The following CSN1S1 variants were observed in gnomAD, a reference collection of about 807,000 sequenced individuals.
The protein encoded by CSN1S1 is alpha-S1-casein.
Under a neutral mutation model 49.1 loss-of-function variants are expected in CSN1S1, and 63 were observed. The observed-to-expected ratio is 1.28, with a 90% CI of 1.05 to 1.58. The LOEUF is 1.58. CSN1S1 is among the 40% of genes most tolerant of loss of function. The pLI, the probability that CSN1S1 is intolerant of heterozygous loss-of-function variation, is 0.00. For missense variants in CSN1S1, 260 were observed against 224.7 expected, an observed-to-expected ratio of 1.16 and a Z score of -1.01; for synonymous variants, 78 against 67.1, an observed-to-expected ratio of 1.16 and a Z score of -0.79.
chr4:69,944,666 C>T (rs182591338), intron 14 of CSN1S1, among the ~76,000 whole-genome samples, 184 bp from the exon 15 acceptor site: 18 of 152,100 alleles, frequency 1.2e-4, no homozygotes, highest in African/African-American at 4.1e-4. Flanking sequence ...AGAGCACCTT[C>T]TGAAAGTTTC....
At chr4:69,942,490 A>C in intron 13 of CSN1S1, 46 bp from the exon 14 acceptor site, 1 of 1,434,520 alleles carries the variant, frequency 7.0e-7, no homozygotes, top group Non-Finnish European at 9.6e-7. Flanking sequence ...AATGTGTTGT[A>C]CCAGAAGATG....
chr4:69,938,026 T>TA (rs1722851026), intron 9 of CSN1S1, among the ~76,000 whole-genome samples: 1 of 151,892 alleles, frequency 6.6e-6, no homozygotes, highest in Non-Finnish European at 1.5e-5. Context: ...TACTCAAGAA[T>TA]GTACAATGTT....
chr4:69,934,837 A>G (rs1295419543), intron 4 of CSN1S1, 127 bp downstream of exon 4: 2 of 793,580 alleles, frequency 2.5e-6, no homozygotes, highest in East Asian at 5.3e-5. Flanking sequence ...CAACAACTCA[A>G]GTACCTGGAT....
chr4:69,936,623 T>C lies in CSN1S1; in HGVS notation c.195+16T>C. 4 of 1,596,402 alleles carry C rather than the reference T, an allele frequency of 2.5e-6. No individual in the cohort carries two copies. Among genetic ancestry groups the C allele is most frequent in the Non-Finnish European group, 3.4e-6 (4 of 1,170,792 alleles). ...TGAAATCAAGGTACCAAAGTTTTTC[T>C]TGAAAGAGTATGGCAAAAGTATATA... is the stretch of plus-strand genomic sequence containing the variant. On this transcript the variant is annotated intron_variant, in intron 7 of 15. Coordinates refer to ENST00000246891, the MANE Select transcript of CSN1S1 (RefSeq NM_001890.2).
In CSN1S1 at chr4:69,934,133, G is replaced by A. The variant is rs115627692; in HGVS notation, c.52-79G>A. 111 of 1,082,742 alleles carry A rather than the reference G, an allele frequency of 1.0e-4. 1 individual carries two copies. In the African/African-American group the frequency reaches 1.2e-3, roughly 12 times the overall value. 67.1% of individuals were successfully genotyped at this position (1,082,742 alleles called of 1,614,324 possible). On this transcript the variant is annotated intron_variant, in intron 2 of 15. Transcript: ENST00000246891. ...GAAAATGGCAGTGTCAAAAATCATC[G>A]TATTATATGTGTATTATTATATTGT...
chr4:69,941,311 C>T (rs1371585288), intron 12 of CSN1S1, among the ~76,000 whole-genome samples: 1 of 151,746 alleles, frequency 6.6e-6, no homozygotes, highest in East Asian at 1.9e-4. Flanking sequence ...AAAGTGACTA[C>T]ATTCTACTGC....
chr4:69,945,166 T>C (rs559183514), intron 15 of CSN1S1, among the ~76,000 whole-genome samples, 162 bp downstream of exon 15: 1 of 152,176 alleles, frequency 6.6e-6, no homozygotes, highest in Admixed American at 6.6e-5. Flanking sequence ...TAATATTTTG[T>C]GGGACCTGTG....
chr4:69,934,104 T>C, intron 2 of CSN1S1, 108 bp from the exon 3 acceptor site: 1 of 742,148 alleles, frequency 1.3e-6, no homozygotes, highest in South Asian at 2.1e-5. Context: ...AACACATACC[T>C]TTTGAAAATG....
chr4:69,936,580 G>A lies in CSN1S1; in HGVS notation c.168G>A (p.Leu56=). 6.2e-7 allele frequency: 1 copy of A among 1,606,198 alleles called. No homozygotes were observed. The highest frequency in any genetic ancestry group is 8.5e-7 in the Non-Finnish European group (1 of 1,175,792). Residue 56 remains leucine (L), a synonymous_variant, in exon 7 of 16, where the codon CTG becomes CTA. Transcript: ENST00000246891. ...MNGMNRQRNI[L]REKQTDEIKD... is the part of the protein sequence containing the mutation. ...ATTGATTTTAGCAGAGAAACATTCT[G>A]AGAGAAAAACAGACTGATGAAATCA...
At chr4:69,934,805 T>G (rs1343006574) in intron 4 of CSN1S1, 95 bp downstream of exon 4, 19 of 1,119,308 alleles carry the variant, frequency 1.7e-5, no homozygotes, top group Non-Finnish European at 2.4e-5. Context: ...CTTTACAATT[T>G]TTATTTCCCT....
intron 3 of CSN1S1, 65 bp downstream of exon 3, chr4:69,934,309 G>A (rs1224831455): frequency 1.7e-5 from 25 of 1,449,608 alleles, no homozygotes; most frequent in Admixed American, 5.5e-5. Context: ...CCAAATGTGC[G>A]CTTCCCTTCT....
At chr4:69,937,632 A>T (rs1722828553) in intron 8 of CSN1S1, among the ~76,000 whole-genome samples, 168 bp from the exon 9 acceptor site, 1 of 151,756 alleles carries the variant, frequency 6.6e-6, no homozygotes, top group Non-Finnish European at 1.5e-5. Flanking sequence ...CAAAATGCAG[A>T]TTCATTTGGC....
At chr4:69,943,449 T>G (rs1723048811) in intron 14 of CSN1S1, among the ~76,000 whole-genome samples, 2 of 152,134 alleles carry the variant, frequency 1.3e-5, no homozygotes, top group South Asian at 2.1e-4. Flanking sequence ...CCTCCCAAAG[T>G]GCTGGGATTA....
intron 14 of CSN1S1, among the ~76,000 whole-genome samples, chr4:69,943,897 C>T (rs1339878302): frequency 1.3e-5 from 2 of 152,010 alleles, no homozygotes; most frequent in East Asian, 3.9e-4. Flanking sequence ...CTAATCAGTT[C>T]TTCAAAGTCC....
chr4:69,936,665 A>G (rs2109717219), intron 7 of CSN1S1, 58 bp downstream of exon 7: 1 of 1,490,804 alleles, frequency 6.7e-7, no homozygotes, highest in East Asian at 2.4e-5. Flanking sequence ...TAGTAGAAAA[A>G]AAGTTTTCCT....
At chr4:69,935,367 C>T (rs182881545) in intron 4 of CSN1S1, among the ~76,000 whole-genome samples, 2 of 150,880 alleles carry the variant, frequency 1.3e-5, no homozygotes, top group East Asian at 2.0e-4. Flanking sequence ...AACCAAACCC[C>T]GTCTCTACAA....
At chr4:69,942,460 T>G in intron 13 of CSN1S1, 76 bp from the exon 14 acceptor site, 1 of 1,131,986 alleles carries the variant, frequency 8.8e-7, no homozygotes. Context: ...TTATGTATAC[T>G]TCTGGTGCAA....
At chr4:69,940,138 C>G in intron 11 of CSN1S1, 94 bp downstream of exon 11, 1 of 536,090 alleles carries the variant, frequency 1.9e-6, no homozygotes, top group Non-Finnish European at 3.1e-6. Flanking sequence ...CACACACACA[C>G]ACACACACAC....
At chr4:69,939,273 T>C in intron 10 of CSN1S1, 65 bp downstream of exon 10, 9 of 1,217,164 alleles carry the variant, frequency 7.4e-6, no homozygotes, top group Non-Finnish European at 9.6e-6. Flanking sequence ...ACTTGTACCG[T>C]GAGGATTACA....
Sources: allele counts gnomAD v4.1 joint callset (sites outside exome capture counted in the v4.1 genomes callset), GRCh38; gene constraint gnomAD v4.1.1; transcripts MANE v1.5; gene names NCBI Gene and HGNC (gene_info 2026-07-23, HGNC 2026-07-21).